CLSTN1: variants seen among roughly 807,000 people sequenced by gnomAD.
CLSTN1 encodes calsyntenin 1, also known as calsyntenin-1.
In CLSTN1, 28 loss-of-function variants were observed where a neutral mutation model predicts 108.3. That is an observed-to-expected ratio of 0.26 (90% CI 0.19 to 0.35). CLSTN1 has a LOEUF of 0.35. CLSTN1 is among the 10% of genes least tolerant of loss of function. CLSTN1 has a pLI of 1.00. For synonymous variants in CLSTN1, 524 were observed against 534.9 expected (o/e 0.98, Z 0.28); for missense variants, 1,157 against 1,302.6 (o/e 0.89, Z 1.72).
chr1:9,793,972 T>C (rs774962462), intron 1 of CLSTN1, among the ~76,000 whole-genome samples: 6 of 151,364 alleles, frequency 4.0e-5, no homozygotes, highest in Non-Finnish European at 7.4e-5. Flanking sequence ...TTCATTCGCA[T>C]TGGGTTAGAA....
At chr1:9,760,883 T>C (rs1652040356) in intron 2 of CLSTN1, among the ~76,000 whole-genome samples, 1 of 151,758 alleles carries the variant, frequency 6.6e-6, no homozygotes, top group South Asian at 2.1e-4. Flanking sequence ...AAGGTGCAGC[T>C]CCACCACTCG....
Position 9,751,486 on chromosome 1 carries a change from A to C in CLSTN1, c.636T>G (p.Thr212=), listed in dbSNP as rs1361350057. The part of the protein sequence containing the change: ...YEIITPDVPF[T]VDKDGYIKNT... Reference sequence around the variant, plus strand: ...CTCGATTCTTACCATCTTTGTCAACAGTAAAGGGCACGTCTGGAGTGATGA... The same window carrying C: ...CTCGATTCTTACCATCTTTGTCAACCGTAAAGGGCACGTCTGGAGTGATGA... Residue 212 remains threonine, a synonymous_variant, in exon 5 of 19, where the codon ACT becomes ACG. Transcript: ENST00000377298. 6.2e-7 allele frequency: 1 copy of C among 1,613,990 alleles called. No individual in the cohort carries two copies. The highest frequency in any genetic ancestry group is 8.5e-7 in the Non-Finnish European group (1 of 1,180,016).
intron 1 of CLSTN1, chr1:9,780,821 G>A (rs192145015): frequency 1.1e-4 from 23 of 208,548 alleles, no homozygotes; most frequent in Admixed American, 5.4e-4. Context: ...AAACTAAACT[G>A]CTTCTCCTGC....
intron 7 of CLSTN1, among the ~76,000 whole-genome samples, chr1:9,746,194 T>C (rs1218136617): frequency 6.6e-6 from 1 of 152,200 alleles, no homozygotes; most frequent in Non-Finnish European, 1.5e-5. Flanking sequence ...TGTGTCTCCA[T>C]GATTATTCCC....
intron 2 of CLSTN1, among the ~76,000 whole-genome samples, chr1:9,758,284 C>T (rs1467006399): frequency 6.6e-6 from 1 of 151,644 alleles, no homozygotes; most frequent in Non-Finnish European, 1.5e-5. Context: ...TGAGCCACTG[C>T]GCCCAGCCCA....
intron 1 of CLSTN1, among the ~76,000 whole-genome samples, chr1:9,784,230 C>T (rs1251681131): frequency 6.6e-6 from 1 of 151,340 alleles, no homozygotes; most frequent in Non-Finnish European, 1.5e-5. Context: ...GTAACCCCAG[C>T]TACTCGGAAG....
intron 1 of CLSTN1, among the ~76,000 whole-genome samples, chr1:9,776,697 C>A (rs1219068606): frequency 6.6e-6 from 1 of 152,200 alleles, no homozygotes; most frequent in South Asian, 2.1e-4. Flanking sequence ...CTCAGAACCC[C>A]TGTACACCAA....
At position 9,735,005 on chromosome 1, in the gene CLSTN1, T is replaced by C; in HGVS notation, c.2053A>G (p.Ile685Val). The C allele has an allele frequency of 6.2e-7, 1 of 1,614,212 alleles. No individual in the cohort carries two copies. The highest frequency in any genetic ancestry group is 1.1e-5 in the South Asian group (1 of 91,086). Residue 685 changes from isoleucine to valine, a missense_variant, in exon 14 of 19, where the codon ATC becomes GTC. Physicochemically the swap from Ile to Val is conservative, Grantham distance 29. Transcript: ENST00000377298. ...TCCACTTCTCTCGTGATGGTGCTGATGATGCGAAGCTCAGGGAAAAGGAAC... is the reference window on the plus strand; with the variant it reads ...TCCACTTCTCTCGTGATGGTGCTGACGATGCGAAGCTCAGGGAAAAGGAAC... ...GVFLFPELRI[I>V]STITREVEPE... is the part of the protein sequence containing the mutation.
At chr1:9,786,176 G>A (rs1653477264) in intron 1 of CLSTN1, among the ~76,000 whole-genome samples, 2 of 151,868 alleles carry the variant, frequency 1.3e-5, no homozygotes, top group Admixed American at 6.6e-5. Context: ...GTGACAGAGC[G>A]AGACCTGCCT....
In CLSTN1 at chr1:9,735,282, C is replaced by T. The variant is rs1314325037; in HGVS notation, c.1884-108G>A. The T allele has an allele frequency of 5.8e-6, 8 of 1,372,422 alleles. No homozygotes were observed. The Admixed American group carries it at 8.8e-5, about 15-fold the overall frequency. The allele number at this position is 1,372,422 out of a possible 1,614,324, so 85.0% of individuals were successfully genotyped here. On this transcript the variant is annotated intron_variant, in intron 13 of 18. Transcript: ENST00000377298. ...TACAGAGGCCCCCACTAACACCTGC[C>T]GGGGCCACTCCAGGAACACACTTGC...
intron 7 of CLSTN1, among the ~76,000 whole-genome samples, chr1:9,745,765 G>GTTTTTT (rs778360021): frequency 7.9e-5 from 8 of 100,906 alleles, no homozygotes; most frequent in South Asian, 3.5e-4. Flanking sequence ...CTGAATAGTT[G>GTTTTTT]TTTTTTTTTT....
intron 1 of CLSTN1, among the ~76,000 whole-genome samples, chr1:9,801,572 G>C (rs1654269971): frequency 6.6e-6 from 1 of 152,162 alleles, no homozygotes; most frequent in Non-Finnish European, 1.5e-5. Context: ...TGTTTTTGTT[G>C]AGACAGAGTT....
At chr1:9,796,673 G>A (rs1654021728) in intron 1 of CLSTN1, among the ~76,000 whole-genome samples, 1 of 151,974 alleles carries the variant, frequency 6.6e-6, no homozygotes, top group Admixed American at 6.6e-5. Context: ...GACAGAGCGA[G>A]ACTCCGCCTC....
chr1:9,817,068 C>T (rs181789569), intron 1 of CLSTN1, among the ~76,000 whole-genome samples: 203 of 152,304 alleles, frequency 1.3e-3, no homozygotes, highest in African/African-American at 4.6e-3. Context: ...AAACAGATGG[C>T]TGAAAGATGA....
In CLSTN1 at chr1:9,735,501, C is replaced by T. The variant is rs149710128; in HGVS notation, c.1849G>A (p.Gly617Arg). ...YLNSRQFPTP[G>R]IRRLKITSTI... ...CTGGTGATTTTGAGTCTGCGAATTC[C>T]GGGCGTGGGGAACTGCCGGGAGTTC... Residue 617 changes from glycine to arginine, a missense_variant, in exon 13 of 19, where the codon GGA becomes AGA. Physicochemically the swap from Gly to Arg is moderately radical, Grantham distance 125. Coordinates refer to ENST00000377298, the MANE Select transcript of CLSTN1 (RefSeq NM_001009566.3). 3 of 1,614,170 alleles carry T rather than the reference C, an allele frequency of 1.9e-6. No homozygotes were observed. The highest frequency in any genetic ancestry group is 2.2e-5 in the East Asian group (1 of 44,888).
chr1:9,755,137 G>C lies in CLSTN1; in HGVS notation c.417C>G (p.Gly139=), dbSNP rs749836571. 10 of 1,610,534 alleles carry C rather than the reference G, an allele frequency of 6.2e-6. No individual in the cohort carries two copies. The Admixed American group carries it at 1.7e-4, about 27-fold the overall frequency. ...ACTTATGAGACTTTTTCACGTTGGT[G>C]CCATCAGGTCCCTTCCCACAATCAT... The part of the protein sequence containing the change: ...QAYDCGKGPD[G]TNVKKSHKAT... Residue 139 remains glycine (G), a synonymous_variant, in exon 4 of 19, where the codon GGC becomes GGG. Coordinates refer to ENST00000377298, the MANE Select transcript of CLSTN1 (RefSeq NM_001009566.3).
chr1:9,788,701 A>G (rs1398613319), intron 1 of CLSTN1, among the ~76,000 whole-genome samples: 1 of 151,000 alleles, frequency 6.6e-6, no homozygotes, highest in Non-Finnish European at 1.5e-5. Flanking sequence ...CCCCATCTCT[A>G]CTAAAAAATG....
At chr1:9,740,025 C>T (rs532190443) in intron 10 of CLSTN1, among the ~76,000 whole-genome samples, 2 of 151,976 alleles carry the variant, frequency 1.3e-5, no homozygotes, top group African/African-American at 4.8e-5. Flanking sequence ...ACTGTGTTAG[C>T]CAGGATGGTC....
intron 1 of CLSTN1, among the ~76,000 whole-genome samples, chr1:9,792,384 C>G (rs956897645): frequency 5.3e-5 from 8 of 151,478 alleles, no homozygotes; most frequent in African/African-American, 1.9e-4. Context: ...CAGCAGAGAG[C>G]CTCATGTCCA....
Sources: allele counts gnomAD v4.1 joint callset (sites outside exome capture counted in the v4.1 genomes callset), GRCh38; gene constraint gnomAD v4.1.1; transcripts MANE v1.5; gene names NCBI Gene and HGNC (gene_info 2026-07-23, HGNC 2026-07-21).